Variants in OR5T1 observed in about 807,000 individuals in gnomAD.
OR5T1 encodes the protein olfactory receptor 5T1.
In OR5T1, 14 loss-of-function variants were observed where a neutral mutation model predicts 10.1. The observed-to-expected ratio is 1.39, with a 90% CI of 0.92 to 2.18. The LOEUF (loss-of-function observed/expected upper bound fraction) is 2.18. Among genes scored for constraint, OR5T1 ranks in the 30% most tolerant of loss-of-function variants. The pLI, the probability that OR5T1 is intolerant of heterozygous loss-of-function variation, is 0.00. For missense variants in OR5T1, 461 were observed against 383.9 expected, an observed-to-expected ratio of 1.20 and a Z score of -1.68; for synonymous variants, 166 against 141.2, an observed-to-expected ratio of 1.18 and a Z score of -1.24.
Position 56,276,479 on chromosome 11 carries a change from GA to G in OR5T1, c.842del (p.Asp281AlafsTer4). On this transcript the variant is annotated frameshift_variant, in exon 3 of 3. Transcript: ENST00000641665. LOFTEE classifies it low-confidence loss of function (END_TRUNC). ...GAGACCAAGTTCCAGCTACACTTCG[GA>G]CAATGACATGATAGTGTCAATATTT... ...YVRPSSSYTS[D>X]NDMIVSIFYT... is the part of the protein sequence containing the mutation. 6.2e-7 allele frequency: 1 copy of G among 1,614,028 alleles called. No homozygotes were observed. The highest frequency in any genetic ancestry group is 1.1e-5 in the South Asian group (1 of 91,070).
chr11:56,275,566 A>C lies in OR5T1; in HGVS notation c.-73A>C. ...TTTCATCTTGCTTTTCCAAGAAACG[A>C]ACATGAGGATATAATTGGATAAACT... On this transcript the variant is annotated 5_prime_UTR_variant, in exon 3 of 3. Transcript: ENST00000641665. The C allele has an allele frequency of 8.1e-7, 1 of 1,235,222 alleles. No homozygotes were observed. Among genetic ancestry groups the C allele is most frequent in the Non-Finnish European group, 1.1e-6 (1 of 889,958 alleles). The allele number at this position is 1,235,222 out of a possible 1,614,324, so 76.5% of individuals were successfully genotyped here.
At chr11:56,275,401 G>A in intron 2 of OR5T1, 85 bp from the exon 3 acceptor site, 2 of 358,158 alleles carry the variant, frequency 5.6e-6, no homozygotes, top group Non-Finnish European at 9.8e-6. Flanking sequence ...TGCTGAGAAT[G>A]ATGGCTTCCA....
At position 56,275,763 on chromosome 11, in the gene OR5T1, T is replaced by C. The variant is rs777597717; in HGVS notation, c.125T>C (p.Leu42Ser). Reference sequence around the variant, plus strand: ...GATGTGCAAGTCTTCCTATTTTTATTATTTTTAGCAATCTATCTATTCACT... The same window carrying C: ...GATGTGCAAGTCTTCCTATTTTTATCATTTTTAGCAATCTATCTATTCACT... ...EFDVQVFLFL[L>S]FLAIYLFTLI... The change falls in exon 3 of 3, where the codon TTA (leucine) becomes TCA (serine). Residue 42 changes from leucine to serine, a missense_variant. Coordinates refer to ENST00000641665, the MANE Select transcript of OR5T1 (RefSeq NM_001004745.2). 6.2e-7 allele frequency: 1 copy of C among 1,612,786 alleles called. No individual in the cohort carries two copies. Among genetic ancestry groups the C allele is most frequent in the Non-Finnish European group, 8.5e-7 (1 of 1,178,832 alleles).
In OR5T1 at chr11:56,275,727, C is replaced by G; in HGVS notation, c.89C>G (p.Thr30Arg). ...ACCATGTTTATATTAATAAGCTTCA[C>G]AGAAGAATTTGATGTGCAAGTCTTC... The part of the protein sequence containing the change: ...EVTMFILISF[T>R]EEFDVQVFLF... Residue 30 changes from threonine (T) to arginine (R), a missense_variant, in exon 3 of 3, where the codon ACA becomes AGA. Physicochemically the swap from Thr to Arg is moderately conservative, Grantham distance 71. Transcript: ENST00000641665. 6.2e-7 allele frequency: 1 copy of G among 1,609,648 alleles called. No homozygotes were observed. The highest frequency in any genetic ancestry group is 2.2e-5 in the East Asian group (1 of 44,820).
chr11:56,275,307 T>TC (rs1246521885), intron 2 of OR5T1, among the ~76,000 whole-genome samples, 179 bp from the exon 3 acceptor site: 1 of 152,140 alleles, frequency 6.6e-6, no homozygotes, highest in African/African-American at 2.4e-5. Flanking sequence ...ATGTTCCCCT[T>TC]CCTATGTCCA....
chr11:56,275,822 A>T lies in OR5T1; in HGVS notation c.184A>T (p.Ile62Phe), dbSNP rs376463706. The change falls in exon 3 of 3, where the codon ATT (isoleucine) becomes TTT (phenylalanine). Residue 62 changes from isoleucine (I) to phenylalanine (F), a missense_variant. Transcript: ENST00000641665. ...CAATTTAGGGCTGGTTGTACCGATC[A>T]TTGGGGATTTCTGGCTTCACAGCCC... ...IGNLGLVVPI[I>F]GDFWLHSPMY... The T allele has an allele frequency of 1.5e-5, 25 of 1,613,556 alleles. No individual in the cohort carries two copies. In the African/African-American group the frequency reaches 2.5e-4, roughly 16 times the overall value.
In OR5T1 at chr11:56,276,342, T is replaced by G. The variant is rs896786211; in HGVS notation, c.704T>G (p.Leu235Trp). 9.3e-6 allele frequency: 15 copies of G among 1,614,046 alleles called. No individual in the cohort carries two copies. Among genetic ancestry groups the G allele is most frequent in the Non-Finnish European group, 1.2e-5 (14 of 1,180,034 alleles). The stretch of plus-strand genomic sequence containing the variant: ...CTGATCTCCTATGGTTTTATTCTGT[T>G]GGCCATTCTGAAGATGCAGTCTGCT... ...IVLISYGFIL[L>W]AILKMQSAEG... The change falls in exon 3 of 3, where the codon TTG becomes TGG. Residue 235 changes from leucine to tryptophan, a missense_variant. Physicochemically the swap from Leu to Trp is moderately conservative, Grantham distance 61. Coordinates refer to ENST00000641665, the MANE Select transcript of OR5T1 (RefSeq NM_001004745.2).
At chr11:56,275,065 G>T (rs1289062983) in intron 2 of OR5T1, among the ~76,000 whole-genome samples, 1 of 152,104 alleles carries the variant, frequency 6.6e-6, no homozygotes, top group African/African-American at 2.4e-5. Flanking sequence ...TTAATATTAA[G>T]AATAGATGGT....
At position 56,276,310 on chromosome 11, in the gene OR5T1, G is replaced by A. The variant is rs772008943; in HGVS notation, c.672G>A (p.Leu224=). The change falls in exon 3 of 3, where the codon CTG becomes CTA. Residue 224 remains leucine (L), a synonymous_variant. Transcript: ENST00000641665. ...FVGSIEIVTI[L]IVLISYGFIL... ...GCTCTATTGAGATAGTCACTATCCT[G>A]ATTGTCCTGATCTCCTATGGTTTTA... 6.2e-7 allele frequency: 1 copy of A among 1,614,034 alleles called. No homozygotes were observed. The highest frequency in any genetic ancestry group is 8.5e-7 in the Non-Finnish European group (1 of 1,179,988).
At position 56,274,625 on chromosome 11, in the gene OR5T1, A is replaced by G; in HGVS notation, c.-271-11A>G. 1 of 152,258 alleles carries G rather than the reference A, an allele frequency of 6.6e-6. No homozygotes were observed. Among genetic ancestry groups the G allele is most frequent in the East Asian group, 1.9e-4 (1 of 5,184 alleles). 9.4% of individuals were successfully genotyped at this position (152,258 alleles called of 1,614,324 possible). The stretch of plus-strand genomic sequence containing the variant: ...AGGCCAAAATGAACAAATTGGTGAT[A>G]TTTTTTTCAGGAAAGAAAAGTGAAA... On this transcript the variant is annotated splice_polypyrimidine_tract_variant and intron_variant, in intron 1 of 2. Coordinates refer to ENST00000641665, the MANE Select transcript of OR5T1 (RefSeq NM_001004745.2).
chr11:56,275,149 T>C (rs1237110620), intron 2 of OR5T1, among the ~76,000 whole-genome samples: 1 of 152,218 alleles, frequency 6.6e-6, no homozygotes, highest in Non-Finnish European at 1.5e-5. Flanking sequence ...AGTTCTGGGG[T>C]ACATGTGCAG....
In OR5T1 at chr11:56,275,668, A is replaced by C. The variant is rs765299715; in HGVS notation, c.30A>C (p.Leu10=). 5.6e-6 allele frequency: 9 copies of C among 1,604,920 alleles called. No homozygotes were observed. In the South Asian group the frequency reaches 9.0e-5, roughly 16 times the overall value. ...CAGGGTTGCCTTCAGATATGGATCT[A>C]TACAAGCTTCAATTAAACAATTTTA... The part of the protein sequence containing the change: MSGLPSDMD[L]YKLQLNNFTE... Residue 10 remains leucine (L), a synonymous_variant, in exon 3 of 3, where the codon CTA becomes CTC. Coordinates refer to ENST00000641665, the MANE Select transcript of OR5T1 (RefSeq NM_001004745.2).
rs1853926034 is a variant in OR5T1 at position 56,275,567 on chromosome 11, A to C, written c.-72A>C. On this transcript the variant is annotated 5_prime_UTR_variant, in exon 3 of 3. Transcript: ENST00000641665. ...TTCATCTTGCTTTTCCAAGAAACGA[A>C]CATGAGGATATAATTGGATAAACTT... 1 of 1,236,330 alleles carries C rather than the reference A, an allele frequency of 8.1e-7. No individual in the cohort carries two copies. The highest frequency in any genetic ancestry group is 1.1e-6 in the Non-Finnish European group (1 of 890,908). The allele number at this position is 1,236,330 out of a possible 1,614,324, so 76.6% of individuals were successfully genotyped here.
At position 56,276,331 on chromosome 11, in the gene OR5T1, T is replaced by A; in HGVS notation, c.693T>A (p.Gly231=). ...TCCTGATTGTCCTGATCTCCTATGG[T>A]TTTATTCTGTTGGCCATTCTGAAGA... ...VTILIVLISY[G]FILLAILKMQ... The change falls in exon 3 of 3, where the codon GGT becomes GGA. Residue 231 remains glycine (G), a synonymous_variant. Transcript: ENST00000641665. 2.5e-6 allele frequency: 4 copies of A among 1,614,090 alleles called. No individual in the cohort carries two copies. The highest frequency in any genetic ancestry group is 3.4e-6 in the Non-Finnish European group (4 of 1,180,008).
At position 56,275,883 on chromosome 11, in the gene OR5T1, A is replaced by G. The variant is rs113278445; in HGVS notation, c.245A>G (p.Asp82Gly). 8.7e-6 allele frequency: 14 copies of G among 1,613,998 alleles called. No individual in the cohort carries two copies. The highest frequency in any genetic ancestry group is 1.7e-5 in the Admixed American group (1 of 60,002). Reference protein sequence around the residue: ...YYFLGVLSFLDVCYSTVVTPK... With the variant: ...YYFLGVLSFLGVCYSTVVTPK... The stretch of plus-strand genomic sequence containing the variant: ...TTTCTTGGTGTTTTATCATTCTTGG[A>G]TGTCTGCTATTCTACAGTTGTCACT... Residue 82 changes from aspartate to glycine, a missense_variant, in exon 3 of 3, where the codon GAT becomes GGT. Asp to Gly is a moderately conservative substitution (Grantham distance 94). Transcript: ENST00000641665.
At position 56,276,450 on chromosome 11, in the gene OR5T1, A is replaced by G; in HGVS notation, c.812A>G (p.Tyr271Cys). The part of the protein sequence containing the change: ...TIYHGTILFM[Y>C]VRPSSSYTSD... ...TATCATGGGACAATCCTCTTCATGT[A>G]TGTGAGACCAAGTTCCAGCTACACT... is the stretch of plus-strand genomic sequence containing the variant. The change falls in exon 3 of 3, where the codon TAT becomes TGT. Residue 271 changes from tyrosine (Y) to cysteine (C), a missense_variant. Coordinates refer to ENST00000641665, the MANE Select transcript of OR5T1 (RefSeq NM_001004745.2). The G allele has an allele frequency of 5.6e-6, 9 of 1,614,050 alleles. No homozygotes were observed. The highest frequency in any genetic ancestry group is 7.6e-6 in the Non-Finnish European group (9 of 1,179,940).
At chr11:56,274,909 A>T (rs186506333) in intron 2 of OR5T1, among the ~76,000 whole-genome samples, 156 bp downstream of exon 2, 14 of 152,296 alleles carry the variant, frequency 9.2e-5, no homozygotes, top group South Asian at 6.2e-4. Context: ...AATAACTTAC[A>T]TACTGTTTTT....
rs553803644 is a variant in OR5T1, at chr11:56,275,028, CTCAG to C, written c.-154+278_-154+281del. ...CTTTTTAGAAAACCTAGGAATAGCA[CTCAG>C]TCTTTATGAGTTTTGAAACAATTTA... On this transcript the variant is annotated intron_variant, in intron 2 of 2. Coordinates refer to ENST00000641665, the MANE Select transcript of OR5T1 (RefSeq NM_001004745.2). Among the ~76,000 whole-genome samples, 48 of 152,222 alleles carry C rather than the reference CTCAG, an allele frequency of 3.2e-4. 1 individual carries two copies. The South Asian group carries it at 9.3e-3, about 30-fold the overall frequency.
rs777567703 is a variant in OR5T1 at position 56,276,570 on chromosome 11, A to C, written c.932A>C (p.Glu311Ala). The C allele has an allele frequency of 6.2e-7, 1 of 1,612,096 alleles. No homozygotes were observed. The highest frequency in any genetic ancestry group is 8.5e-7 in the Non-Finnish European group (1 of 1,179,024). Reference sequence around the variant, plus strand: ...AGTTTGCGGAACAAAGATGTAAAGGAGGCAATCAAAAGATTGCTTGTGAGA... The same window carrying C: ...AGTTTGCGGAACAAAGATGTAAAGGCGGCAATCAAAAGATTGCTTGTGAGA... ...IYSLRNKDVK[E>A]AIKRLLVRNW... The change falls in exon 3 of 3, where the codon GAG becomes GCG. Residue 311 changes from glutamate (E) to alanine (A), a missense_variant. Transcript: ENST00000641665.
Sources: allele counts gnomAD v4.1 joint callset (sites outside exome capture counted in the v4.1 genomes callset), GRCh38; gene constraint gnomAD v4.1.1; transcripts MANE v1.5; gene names NCBI Gene and HGNC (gene_info 2026-07-23, HGNC 2026-07-21).